Variants in RNF185 observed in about 807,000 individuals in gnomAD.
RNF185 encodes the protein E3 ubiquitin-protein ligase RNF185.
RNF185 carries 13 observed loss-of-function variants against 24.9 expected under a neutral mutation model. The observed-to-expected ratio is 0.52, with a 90% CI of 0.34 to 0.83. The LOEUF (loss-of-function observed/expected upper bound fraction) is 0.83. RNF185 is among the 40% of genes least tolerant of loss of function. The pLI is 0.01. For synonymous variants in RNF185, 79 were observed against 90.3 expected, an observed-to-expected ratio of 0.88 and a Z score of 0.71; for missense variants, 184 against 244.7, an observed-to-expected ratio of 0.75 and a Z score of 1.65.
At position 31,187,366 on chromosome 22, in the gene RNF185, T is replaced by C. The variant is rs545708968; in HGVS notation, c.176+96T>C. The C allele has an allele frequency of 7.8e-5, 104 of 1,329,478 alleles. No homozygotes were observed. The African/African-American group carries it at 1.2e-3, about 15-fold the overall frequency. The allele number at this position is 1,329,478 out of a possible 1,614,324, so 82.4% of individuals were successfully genotyped here. A position where few individuals can be genotyped will look rare whatever the true frequency, so the allele number is the denominator to read the frequency against. On this transcript the variant is annotated intron_variant, in intron 2 of 6. Coordinates refer to ENST00000326132, the MANE Select transcript of RNF185 (RefSeq NM_152267.4). ...GGAGCAGAATGCTTCCTGCTCACTTTGGGAATACACTCAGGCTCAAGGGAC... is the reference window on the plus strand; with the variant it reads ...GGAGCAGAATGCTTCCTGCTCACTTCGGGAATACACTCAGGCTCAAGGGAC...
At position 31,164,583 on chromosome 22, in the gene RNF185, CTTTTTTT is replaced by C. The variant is rs200649012; in HGVS notation, c.-49+4297_-49+4303del. 3.3e-5 allele frequency among the ~76,000 whole-genome samples: 3 copies of C among 91,756 alleles called. No individual in the cohort carries two copies. The Admixed American group carries it at 3.3e-4, about 10-fold the overall frequency. The allele number at this position is 91,756 out of a possible 152,430, so 60.2% of individuals were successfully genotyped here. A position where few individuals can be genotyped will look rare whatever the true frequency, so the allele number is the denominator to read the frequency against. Reference sequence around the variant, plus strand: ...GATATCTGGGACAGTTCCTCATTGTCTTTTTTTTTTTTTTTTTTTTTTTGAGACGGAG... The same window carrying C: ...GATATCTGGGACAGTTCCTCATTGTCTTTTTTTTTTTTTTTTGAGACGGAG... On this transcript the variant is annotated intron_variant, in intron 1 of 6. Transcript: ENST00000326132.
intron 1 of RNF185, among the ~76,000 whole-genome samples, chr22:31,175,531 A>G (rs1043357238): frequency 6.6e-6 from 1 of 151,994 alleles, no homozygotes; most frequent in Non-Finnish European, 1.5e-5. Flanking sequence ...CAAATGTCTT[A>G]TGTATTTCTC....
intron 1 of RNF185, among the ~76,000 whole-genome samples, chr22:31,180,261 A>C (rs902532140): frequency 3.3e-5 from 5 of 152,154 alleles, no homozygotes; most frequent in African/African-American, 1.2e-4. Flanking sequence ...TCAGGAGTTC[A>C]AGAGCAGCCT....
At chr22:31,170,228 G>A (rs750176813) in intron 1 of RNF185, among the ~76,000 whole-genome samples, 11 of 151,808 alleles carry the variant, frequency 7.2e-5, no homozygotes, top group African/African-American at 1.9e-4. Context: ...TTGTTCAGTC[G>A]CCCAGGCTGG....
intron 1 of RNF185, among the ~76,000 whole-genome samples, chr22:31,170,348 C>A (rs891500182): frequency 1.3e-5 from 2 of 152,112 alleles, no homozygotes; most frequent in Non-Finnish European, 2.9e-5. Flanking sequence ...GCCACCAGGC[C>A]TGGCTAATTT....
At chr22:31,163,799 G>A (rs977400485) in intron 1 of RNF185, among the ~76,000 whole-genome samples, 14 of 151,574 alleles carry the variant, frequency 9.2e-5, no homozygotes, top group African/African-American at 2.9e-4. Context: ...TCAGCCTTCT[G>A]AGTAGCTGGG....
chr22:31,161,552 G>A (rs573815651), intron 1 of RNF185, among the ~76,000 whole-genome samples: 2 of 152,316 alleles, frequency 1.3e-5, no homozygotes, highest in Non-Finnish European at 2.9e-5. Context: ...GAATGAATAA[G>A]TAAACTGGGT....
intron 2 of RNF185, among the ~76,000 whole-genome samples, chr22:31,188,628 A>G (rs1416882875): frequency 6.6e-6 from 1 of 151,492 alleles, no homozygotes; most frequent in East Asian, 1.9e-4. Context: ...GGAGTGCAAG[A>G]TGAGTCTGGG....
intron 1 of RNF185, among the ~76,000 whole-genome samples, chr22:31,180,063 T>G (rs1235833430): frequency 7.3e-6 from 1 of 137,858 alleles, no homozygotes; most frequent in African/African-American, 2.8e-5. Context: ...CTCAGAACTT[T>G]CAGGATTGGG....
chr22:31,196,262 CTTGAAGTGGTCTG>C (rs2048204541), intron 4 of RNF185, among the ~76,000 whole-genome samples: 1 of 152,192 alleles, frequency 6.6e-6, no homozygotes, highest in African/African-American at 2.4e-5. Flanking sequence ...TTCCCTCTTC[CTTGAAGTGGTCTG>C]TCTTCTTCAC....
At chr22:31,163,115 A>G (rs1167103155) in intron 1 of RNF185, among the ~76,000 whole-genome samples, 2 of 152,186 alleles carry the variant, frequency 1.3e-5, no homozygotes, top group Non-Finnish European at 2.9e-5. Context: ...AATATTACAT[A>G]GGTGACAATT....
At chr22:31,198,889 A>C (rs1318385191) in intron 5 of RNF185, among the ~76,000 whole-genome samples, 1 of 149,360 alleles carries the variant, frequency 6.7e-6, no homozygotes. Flanking sequence ...GAGGTCAGGA[A>C]TTCGAGACCA....
At chr22:31,169,070 G>C (rs1924122254) in intron 1 of RNF185, among the ~76,000 whole-genome samples, 1 of 152,006 alleles carries the variant, frequency 6.6e-6, no homozygotes, top group African/African-American at 2.4e-5. Context: ...ACCACACCTG[G>C]CTAATTTGTT....
At chr22:31,180,837 A>G in intron 1 of RNF185, among the ~76,000 whole-genome samples, 1 of 151,854 alleles carries the variant, frequency 6.6e-6, no homozygotes. Context: ...TAATAATTCA[A>G]TGTCTCCTAG....
intron 5 of RNF185, among the ~76,000 whole-genome samples, chr22:31,201,053 A>G (rs1190591182): frequency 1.3e-5 from 2 of 151,946 alleles, no homozygotes; most frequent in Non-Finnish European, 2.9e-5. Context: ...GGCTAATTAG[A>G]GTTTCAACAT....
At chr22:31,191,926 A>G (rs916872983) in intron 2 of RNF185, among the ~76,000 whole-genome samples, 9 of 151,762 alleles carry the variant, frequency 5.9e-5, no homozygotes, top group African/African-American at 2.2e-4. Context: ...AGAAAGGGCA[A>G]TGAACTAGAA....
intron 1 of RNF185, among the ~76,000 whole-genome samples, chr22:31,182,744 A>T (rs55794055): frequency 0.071 from 10,834 of 151,874 alleles, 1,282 homozygotes; most frequent in African/African-American, 0.25. Context: ...CTCGTATCTC[A>T]ATCTATAACC....
chr22:31,197,909 A>C (rs970390478), intron 5 of RNF185, among the ~76,000 whole-genome samples: 4 of 152,190 alleles, frequency 2.6e-5, no homozygotes, highest in Admixed American at 1.3e-4. Context: ...AAGTAAGATT[A>C]CTGGCTAAAA....
At chr22:31,161,451 T>C (rs1052109258) in intron 1 of RNF185, among the ~76,000 whole-genome samples, 8 of 152,244 alleles carry the variant, frequency 5.3e-5, no homozygotes, top group African/African-American at 1.9e-4. Flanking sequence ...TGACCTTACA[T>C]AATCTCTTCC....
Sources: gnomAD v4.1 joint callset for allele counts (sites outside exome capture counted in the v4.1 genomes callset) on GRCh38, gnomAD v4.1.1 for gene constraint, MANE v1.5 for transcripts, NCBI Gene and HGNC (gene_info 2026-07-23, HGNC 2026-07-21) for gene names.